Variants in CCDC66 observed in about 807,000 individuals in gnomAD.
The protein encoded by CCDC66 is coiled-coil domain-containing protein 66.
A neutral mutation model predicts 128.3 loss-of-function variants in CCDC66; 133 were observed. That is an observed-to-expected ratio of 1.04 (90% CI 0.90 to 1.20). CCDC66 has a LOEUF of 1.20. CCDC66 is among the 50% of genes most tolerant of loss of function. CCDC66 has a pLI of 0.00. For synonymous variants in CCDC66, 387 were observed against 357.0 expected, an observed-to-expected ratio of 1.08 and a Z score of -0.95; for missense variants, 1,126 against 1,075.5, an observed-to-expected ratio of 1.05 and a Z score of -0.66.
At chr3:56,579,723 G>A (rs1415141744) in intron 7 of CCDC66, among the ~76,000 whole-genome samples, 1 of 151,886 alleles carries the variant, frequency 6.6e-6, no homozygotes, top group African/African-American at 2.4e-5. Context: ...GTGGTTTTGA[G>A]TGAATTTCTT....
rs1034660217 is a variant in CCDC66 at position 56,574,204 on chromosome 3, A to G, written c.936+2902A>G. On this transcript the variant is annotated intron_variant, in intron 7 of 17. Transcript: ENST00000394672. ...TGGTGAAACCCCATCTCTGCTAAAAATACAAAAATTAGCTGGACATGGTGG... is the reference window on the plus strand; with the variant it reads ...TGGTGAAACCCCATCTCTGCTAAAAGTACAAAAATTAGCTGGACATGGTGG... 3.3e-5 allele frequency among the ~76,000 whole-genome samples: 5 copies of G among 151,516 alleles called. 1 individual carries two copies. In the Admixed American group the frequency reaches 3.3e-4, roughly 10 times the overall value.
rs1465549095 is a variant in CCDC66 at position 56,619,276 on chromosome 3, C to T, written c.2384C>T (p.Pro795Leu). The T allele has an allele frequency of 6.3e-7, 1 of 1,580,698 alleles. No homozygotes were observed. The highest frequency in any genetic ancestry group is 8.6e-7 in the Non-Finnish European group (1 of 1,166,848). Reference protein sequence around the residue: ...NIHSFSKERSPSSPVPVVKNR... With the variant: ...NIHSFSKERSLSSPVPVVKNR... ...ACTATTTTTTTTTTAAATAGGTCTC[C>T]ATCATCACCAGTTCCAGTAGTGAAA... is the stretch of plus-strand genomic sequence containing the variant. Residue 795 changes from proline to leucine, a missense_variant, in exon 16 of 18, where the codon CCA becomes CTA. By Grantham distance (98) the Pro-to-Leu change is moderately conservative (BLOSUM62 -3). Coordinates refer to ENST00000394672, the MANE Select transcript of CCDC66 (RefSeq NM_001141947.3).
chr3:56,621,584 A>AAAATCAAGAAGAGAGTTTT lies in CCDC66; in HGVS notation c.2814_2832dup (p.Gly945LysfsTer21). ...GAAAGTAGTCTCCTGCCTTTAGCTG[A>AAAATCAAGAAGAGAGTTTT]AAATCAAGAAGAGAGTTTTGGTTCT... On this transcript the variant is annotated frameshift_variant, in exon 18 of 18. Coordinates refer to ENST00000394672, the MANE Select transcript of CCDC66 (RefSeq NM_001141947.3). LOFTEE classifies it high-confidence loss of function. The AAAATCAAGAAGAGAGTTTT allele has an allele frequency of 6.2e-7, 1 of 1,601,416 alleles. No individual in the cohort carries two copies. The highest frequency in any genetic ancestry group is 8.5e-7 in the Non-Finnish European group (1 of 1,174,466).
At chr3:56,618,385 C>T (rs1578071411) in intron 15 of CCDC66, 173 bp downstream of exon 15, 1 of 553,344 alleles carries the variant, frequency 1.8e-6, no homozygotes, top group East Asian at 2.9e-5. Context: ...TTAGCAGGAG[C>T]TTGAAGGCCC....
intron 17 of CCDC66, chr3:56,620,572 C>G (rs1045926): frequency 0.32 from 49,352 of 152,034 alleles, 8,492 homozygotes; most frequent in East Asian, 0.49. Context: ...CTCTGCATTT[C>G]AAAATGTTGA....
chr3:56,560,669 G>A (rs773938419), intron 3 of CCDC66, among the ~76,000 whole-genome samples: 10 of 152,102 alleles, frequency 6.6e-5, no homozygotes, highest in African/African-American at 9.7e-5. Flanking sequence ...GTAGTGAGCC[G>A]AGATCGCACC....
chr3:56,559,674 G>A, intron 3 of CCDC66, 80 bp downstream of exon 3: 2 of 1,105,896 alleles, frequency 1.8e-6, no homozygotes, highest in Non-Finnish European at 2.6e-6. Flanking sequence ...AATAATTCCT[G>A]GGAAATGTCA....
Position 56,615,903 on chromosome 3 carries a change from G to T in CCDC66, c.1712-19G>T. On this transcript the variant is annotated intron_variant, in intron 12 of 17. Transcript: ENST00000394672. Reference sequence around the variant, plus strand: ...ATATTCCTTAAGTGTTGTTTTATCAGGTGATTTCTCTTTGCCAGTTGATAC... The same window carrying T: ...ATATTCCTTAAGTGTTGTTTTATCATGTGATTTCTCTTTGCCAGTTGATAC... 1 of 1,575,668 alleles carries T rather than the reference G, an allele frequency of 6.3e-7. No homozygotes were observed. Among genetic ancestry groups the T allele is most frequent in the South Asian group, 1.1e-5 (1 of 87,278 alleles).
At chr3:56,599,044 C>T (rs779719923) in intron 10 of CCDC66, among the ~76,000 whole-genome samples, 1 of 151,948 alleles carries the variant, frequency 6.6e-6, no homozygotes, top group Non-Finnish European at 1.5e-5. Context: ...GTTGTCTGGT[C>T]CTGGACTTTC....
intron 11 of CCDC66, 138 bp from the exon 12 acceptor site, chr3:56,614,990 C>G: frequency 1.5e-6 from 1 of 656,592 alleles, no homozygotes; most frequent in East Asian, 3.0e-5. Flanking sequence ...AGGAACTTTG[C>G]CTTGTTGACT....
At chr3:56,584,562 C>T (rs2069232040) in intron 7 of CCDC66, among the ~76,000 whole-genome samples, 1 of 151,416 alleles carries the variant, frequency 6.6e-6, no homozygotes, top group East Asian at 2.0e-4. Context: ...CTCCTCACTT[C>T]CCAGATGGGA....
At chr3:56,609,613 C>G (rs1056323599) in intron 10 of CCDC66, among the ~76,000 whole-genome samples, 11 of 152,114 alleles carry the variant, frequency 7.2e-5, no homozygotes, top group African/African-American at 2.7e-4. Context: ...ATTCATCATG[C>G]TGTTTGTTGC....
chr3:56,615,298 TATA>T, intron 12 of CCDC66, 26 bp downstream of exon 12: 2 of 1,547,200 alleles, frequency 1.3e-6, no homozygotes, highest in South Asian at 2.4e-5. Context: ...GAACTTTATT[TATA>T]ATATTTTTAG....
chr3:56,597,777 G>GTTTTTTTTTTGTTTTTTTTT (rs767015602), intron 10 of CCDC66, among the ~76,000 whole-genome samples: 1 of 87,916 alleles, frequency 1.1e-5, no homozygotes, highest in African/African-American at 4.2e-5. Context: ...TTGTTTTGGG[G>GTTTTTTTTTTGTTTTTTTTT]TTTTTTTTTT....
At position 56,588,814 on chromosome 3, in the gene CCDC66, A is replaced by G. The variant is rs563270293; in HGVS notation, c.937-4156A>G. Among the ~76,000 whole-genome samples the G allele has an allele frequency of 3.9e-5, 6 of 152,346 alleles. No homozygotes were observed. The East Asian group carries it at 7.7e-4, about 20-fold the overall frequency. ...ACTGAAAGAGAAATTCACATTAGAA[A>G]ATATTTTTAACTGAGTGATAATGAA... is the stretch of plus-strand genomic sequence containing the variant. On this transcript the variant is annotated intron_variant, in intron 7 of 17. Transcript: ENST00000394672.
In CCDC66 at chr3:56,621,750, C is replaced by A; in HGVS notation, c.*132C>A. 1.2e-5 allele frequency: 5 copies of A among 425,560 alleles called. No individual in the cohort carries two copies. The highest frequency in any genetic ancestry group is 7.8e-4 in the Middle Eastern group (1 of 1,284). 26.4% of individuals were successfully genotyped at this position (425,560 alleles called of 1,614,324 possible). A position where few individuals can be genotyped will look rare whatever the true frequency, so the allele number is the denominator to read the frequency against. The stretch of plus-strand genomic sequence containing the variant: ...TAAATGCTCATTAAAAACTTGTATA[C>A]TATGTAGTAAAATGCTGTACTTGTT... On this transcript the variant is annotated 3_prime_UTR_variant, in exon 18 of 18. Transcript: ENST00000394672.
At chr3:56,567,238 A>G (rs752171351) in intron 6 of CCDC66, among the ~76,000 whole-genome samples, 185 bp downstream of exon 6, 3 of 152,316 alleles carry the variant, frequency 2.0e-5, no homozygotes, top group South Asian at 2.1e-4. Flanking sequence ...AAAAATATAA[A>G]AATTAGCTGG....
chr3:56,616,759 C>T (rs897743983), intron 13 of CCDC66: 1 of 185,576 alleles, frequency 5.4e-6, no homozygotes, highest in Non-Finnish European at 1.1e-5. Context: ...TTTACATTCC[C>T]ACCATCAGTG....
intron 10 of CCDC66, among the ~76,000 whole-genome samples, chr3:56,612,709 G>T (rs2075008067): frequency 6.6e-6 from 1 of 152,174 alleles, no homozygotes; most frequent in African/African-American, 2.4e-5. Flanking sequence ...ATGAGGGTGG[G>T]TGCCAGCTGT....
Sources: gnomAD v4.1 joint callset for allele counts (sites outside exome capture counted in the v4.1 genomes callset) on GRCh38, gnomAD v4.1.1 for gene constraint, MANE v1.5 for transcripts, NCBI Gene and HGNC (gene_info 2026-07-23, HGNC 2026-07-21) for gene names.